The following HMCN1 variants were observed in gnomAD, a reference collection of about 807,000 sequenced individuals.
HMCN1 encodes the protein hemicentin 1.
A neutral mutation model predicts 625.9 loss-of-function variants in HMCN1; 321 were observed. That is an observed-to-expected ratio of 0.51 (90% CI 0.47 to 0.56). The LOEUF is 0.56. HMCN1 is among the 20% of genes least tolerant of loss of function. The pLI is 0.00. For missense variants in HMCN1, 6,588 were observed against 6,887.3 expected (o/e 0.96, Z 1.54); for synonymous variants, 2,425 against 2,417.6 (o/e 1.00, Z -0.09).
At chr1:185,807,556 T>G (rs932193804) in intron 1 of HMCN1, among the ~76,000 whole-genome samples, 8 of 152,226 alleles carry the variant, frequency 5.3e-5, no homozygotes, top group African/African-American at 1.9e-4. Context: ...CCTGGATTCA[T>G]GCATACATAT....
chr1:186,025,367 A>T (rs1388243324), intron 36 of HMCN1, among the ~76,000 whole-genome samples: 2 of 152,216 alleles, frequency 1.3e-5, no homozygotes, highest in Admixed American at 1.3e-4. Flanking sequence ...ATCTGCCTAG[A>T]ACAGATGCTC....
Position 186,103,660 on chromosome 1 carries a change from A to G in HMCN1, c.10762A>G (p.Thr3588Ala), listed in dbSNP as rs1268613698. The G allele has an allele frequency of 1.2e-6, 2 of 1,613,466 alleles. No individual in the cohort carries two copies. Among genetic ancestry groups the G allele is most frequent in the Non-Finnish European group, 1.7e-6 (2 of 1,179,530 alleles). The change falls in exon 69 of 107, where the codon ACT becomes GCT. Residue 3588 changes from threonine (T) to alanine (A), a missense_variant. Physicochemically the swap from Thr to Ala is moderately conservative, Grantham distance 58. Transcript: ENST00000271588. Reference protein sequence around the residue: ...LGGGEVLRISTAQVEDTGRYT... With the variant: ...LGGGEVLRISAAQVEDTGRYT... ...AGGAGGAGAGGTTCTTCGAATTTCT[A>G]CTGCTCAGGTAAGTGTCAAAGTTCA... is the stretch of plus-strand genomic sequence containing the variant.
At chr1:186,154,395 G>A (rs569521954) in intron 97 of HMCN1, among the ~76,000 whole-genome samples, 3 of 152,224 alleles carry the variant, frequency 2.0e-5, no homozygotes, top group African/African-American at 7.2e-5. Flanking sequence ...GGGGGCGGGT[G>A]CCTGTAGTCC....
chr1:185,825,414 C>T (rs11799934), intron 1 of HMCN1, among the ~76,000 whole-genome samples: 1,759 of 152,206 alleles, frequency 0.012, 35 homozygotes, highest in African/African-American at 0.04. Flanking sequence ...GTGCTTTCTT[C>T]GTTTCGGATG....
chr1:185,781,222 A>G lies in HMCN1; in HGVS notation c.268+46175A>G, dbSNP rs191320498. On this transcript the variant is annotated intron_variant, in intron 1 of 106. Transcript: ENST00000271588. ...CCCTTTATCATTTTTTATTGCATCT[A>G]TTTGATTCTTCTCTCTTTTCTTCTT... is the stretch of plus-strand genomic sequence containing the variant. 8.9e-3 allele frequency among the ~76,000 whole-genome samples: 1,358 copies of G among 152,042 alleles called. 20 individuals carry two copies. The highest frequency in any genetic ancestry group is 0.029 in the African/African-American group (1,221 of 41,478).
At chr1:185,951,763 A>C (rs1649167899) in intron 11 of HMCN1, among the ~76,000 whole-genome samples, 1 of 151,774 alleles carries the variant, frequency 6.6e-6, no homozygotes, top group Non-Finnish European at 1.5e-5. Flanking sequence ...CACGTGTAGC[A>C]AGCTCCTGGG....
chr1:186,067,449 G>A lies in HMCN1; in HGVS notation c.7706-385G>A, dbSNP rs1266693778. ...CTGCTTTCACCTGCTAACTACCACT[G>A]ATCGTTTAAGGCTCACTTTAAATCC... is the stretch of plus-strand genomic sequence containing the variant. On this transcript the variant is annotated intron_variant, in intron 49 of 106. Coordinates refer to ENST00000271588, the MANE Select transcript of HMCN1 (RefSeq NM_031935.3). Among the ~76,000 whole-genome samples, 3 of 152,164 alleles carry A rather than the reference G, an allele frequency of 2.0e-5. No individual in the cohort carries two copies. In the East Asian group the frequency reaches 5.8e-4, roughly 29 times the overall value.
Position 185,984,152 on chromosome 1 carries a change from T to C in HMCN1, c.2791-17T>C. 1 of 1,565,102 alleles carries C rather than the reference T, an allele frequency of 6.4e-7. No individual in the cohort carries two copies. The highest frequency in any genetic ancestry group is 2.3e-5 in the East Asian group (1 of 43,842). On this transcript the variant is annotated splice_polypyrimidine_tract_variant and intron_variant, in intron 18 of 106. Coordinates refer to ENST00000271588, the MANE Select transcript of HMCN1 (RefSeq NM_031935.3). Reference sequence around the variant, plus strand: ...CCTTTCTTTTTAAATAAAAATTACCTTTTTTTTTCCTTTAAGTTGCTCCAA... The same window carrying C: ...CCTTTCTTTTTAAATAAAAATTACCCTTTTTTTTCCTTTAAGTTGCTCCAA...
intron 86 of HMCN1, among the ~76,000 whole-genome samples, chr1:186,134,354 G>A (rs1649447903): frequency 6.6e-6 from 1 of 152,096 alleles, no homozygotes; most frequent in Non-Finnish European, 1.5e-5. Flanking sequence ...GAGCAGACAA[G>A]CTTATTTAGT....
Position 185,868,619 on chromosome 1 carries a change from A to G in HMCN1, c.621+2756A>G, listed in dbSNP as rs140857905. Among the ~76,000 whole-genome samples the G allele has an allele frequency of 5.1e-3, 772 of 152,220 alleles. 8 individuals carry two copies. The highest frequency in any genetic ancestry group is 0.018 in the African/African-American group (741 of 41,536). On this transcript the variant is annotated intron_variant, in intron 4 of 106. Transcript: ENST00000271588. ...TAAGTTTTCTGAGGCCTCCCCAACC[A>G]TGCAGAACTGTGAGTCAATTAAGCC...
At chr1:186,038,439 G>T (rs1212944841) in intron 37 of HMCN1, among the ~76,000 whole-genome samples, 9 of 152,086 alleles carry the variant, frequency 5.9e-5, no homozygotes, top group African/African-American at 9.7e-5. Context: ...TTATTCATAT[G>T]AATCAGTAAC....
At chr1:186,063,103 T>TATATAA (rs1657859128) in intron 48 of HMCN1, among the ~76,000 whole-genome samples, 2 of 130,056 alleles carry the variant, frequency 1.5e-5, no homozygotes, top group African/African-American at 2.9e-5. Context: ...TATATATATA[T>TATATAA]CACATTTTCA....
rs76550449 is a variant in HMCN1, at chr1:186,110,182, T to G, written c.10989+1585T>G. Among the ~76,000 whole-genome samples, 517 of 152,326 alleles carry G rather than the reference T, an allele frequency of 3.4e-3. 6 individuals are homozygous for G. Among genetic ancestry groups the G allele is most frequent in the African/African-American group, 0.012 (491 of 41,572 alleles). ...AAGGCTTTGGTTTCATGGTCCATAT[T>G]TACTTTAAAAAAAAGCGGCCTTTGA... On this transcript the variant is annotated intron_variant, in intron 71 of 106. Coordinates refer to ENST00000271588, the MANE Select transcript of HMCN1 (RefSeq NM_031935.3).
intron 46 of HMCN1, among the ~76,000 whole-genome samples, chr1:186,060,707 G>T (rs1244762175): frequency 6.6e-5 from 10 of 152,068 alleles, no homozygotes; most frequent in Admixed American, 6.6e-4. Flanking sequence ...ATTGAAAGCT[G>T]GTAGTCTTCA....
chr1:185,786,968 A>G (rs979123043), intron 1 of HMCN1, among the ~76,000 whole-genome samples: 1 of 152,226 alleles, frequency 6.6e-6, no homozygotes, highest in Non-Finnish European at 1.5e-5. Context: ...TTCTGTTAAC[A>G]TGAGATAACT....
Position 186,069,650 on chromosome 1 carries a change from C to T in HMCN1, c.7880-13C>T. The T allele has an allele frequency of 5.1e-6, 8 of 1,573,746 alleles. No individual in the cohort carries two copies. Among genetic ancestry groups the T allele is most frequent in the Non-Finnish European group, 7.0e-6 (8 of 1,145,712 alleles). The stretch of plus-strand genomic sequence containing the variant: ...TGATTTTAGAGACTCTTTGATGTCC[C>T]ATGATTTTACAGGAGGCAGAACTCT... On this transcript the variant is annotated splice_polypyrimidine_tract_variant and intron_variant, in intron 50 of 106. Coordinates refer to ENST00000271588, the MANE Select transcript of HMCN1 (RefSeq NM_031935.3).
intron 104 of HMCN1, among the ~76,000 whole-genome samples, chr1:186,179,697 T>C (rs1484682417): frequency 1.3e-5 from 2 of 152,224 alleles, no homozygotes; most frequent in Non-Finnish European, 2.9e-5. Flanking sequence ...TTCTACACTT[T>C]GCTTACTCTC....
intron 4 of HMCN1, among the ~76,000 whole-genome samples, chr1:185,898,725 G>A (rs1665635329): frequency 3.3e-5 from 5 of 152,096 alleles, no homozygotes; most frequent in African/African-American, 7.2e-5. Flanking sequence ...TACATATCTA[G>A]TTTAGTTCAT....
chr1:185,861,164 A>G (rs751723202), intron 2 of HMCN1, among the ~76,000 whole-genome samples: 68 of 152,296 alleles, frequency 4.5e-4, no homozygotes, highest in East Asian at 3.3e-3. Context: ...AGGCATCTAT[A>G]GGTCCTCTTA....
Sources: gnomAD v4.1 joint callset for allele counts (sites outside exome capture counted in the v4.1 genomes callset) on GRCh38, gnomAD v4.1.1 for gene constraint, MANE v1.5 for transcripts, NCBI Gene and HGNC (gene_info 2026-07-23, HGNC 2026-07-21) for gene names.